PROM1: variants seen among roughly 807,000 people sequenced by gnomAD.
PROM1 encodes the protein prominin 1.
PROM1 carries 105 observed loss-of-function variants against 116.9 expected under a neutral mutation model. That is an observed-to-expected ratio of 0.90 (90% CI 0.77 to 1.06). The LOEUF (loss-of-function observed/expected upper bound fraction) is 1.06. PROM1 is among the 50% of genes least tolerant of loss of function. The probability of loss-of-function intolerance (pLI) is 0.00; values close to 1 mark genes in which losing one functional copy is unlikely to be tolerated. For missense variants in PROM1, 1,122 were observed against 1,045.2 expected, an observed-to-expected ratio of 1.07 and a Z score of -1.01; for synonymous variants, 393 against 387.0, an observed-to-expected ratio of 1.02 and a Z score of -0.18.
chr4:16,054,410 G>A (rs1466902538), intron 2 of PROM1, among the ~76,000 whole-genome samples: 3 of 152,118 alleles, frequency 2.0e-5, no homozygotes, highest in Non-Finnish European at 4.4e-5. Context: ...GATTTGTCCA[G>A]ACAGCCCTGG....
At chr4:16,021,504 C>T (rs946145221) in intron 8 of PROM1, among the ~76,000 whole-genome samples, 3 of 152,188 alleles carry the variant, frequency 2.0e-5, no homozygotes, top group South Asian at 2.1e-4. Context: ...CCTGGAATGA[C>T]TCCCAGAGTT....
chr4:15,995,983 A>ATATATAATAATATATATATATATATAAT, intron 15 of PROM1, among the ~76,000 whole-genome samples: 1 of 152,314 alleles, frequency 6.6e-6, no homozygotes, highest in East Asian at 1.9e-4. Context: ...TATAATAATA[A>ATATATAATAATATATATATATATATAAT]AAGCAGTTGT....
chr4:15,992,252 G>A lies in PROM1; in HGVS notation c.1907C>T (p.Ala636Val). 1 of 1,613,734 alleles carries A rather than the reference G, an allele frequency of 6.2e-7. No homozygotes were observed. The highest frequency in any genetic ancestry group is 2.2e-5 in the East Asian group (1 of 44,864). ...IDRMNYDSYLAQTGKSPAGVN... is the reference protein window; with the variant it reads ...IDRMNYDSYLVQTGKSPAGVN... Reference sequence around the variant, plus strand: ...GCATGAACACATGCGCCATACCTGAGCCAAGTAGCTGTCATAATTCATTCT... The same window carrying A: ...GCATGAACACATGCGCCATACCTGAACCAAGTAGCTGTCATAATTCATTCT... The change falls in exon 17 of 28, where the codon GCT becomes GTT. Residue 636 changes from alanine to valine, a missense_variant. Ala to Val is a moderately conservative substitution (Grantham distance 64, BLOSUM62 0). Transcript: ENST00000447510.
intron 8 of PROM1, among the ~76,000 whole-genome samples, chr4:16,020,524 C>T (rs1185091519): frequency 1.3e-5 from 2 of 152,100 alleles, no homozygotes; most frequent in African/African-American, 4.8e-5. Flanking sequence ...CAGAAATACA[C>T]AGAAATACTC....
intron 2 of PROM1, among the ~76,000 whole-genome samples, chr4:16,062,421 T>C (rs768581357): frequency 6.6e-6 from 1 of 152,150 alleles, no homozygotes; most frequent in African/African-American, 2.4e-5. Context: ...CAATTGTTAA[T>C]GAATAATAAA....
intron 2 of PROM1, among the ~76,000 whole-genome samples, chr4:16,041,347 T>G (rs1383965026): frequency 2.6e-5 from 4 of 151,572 alleles, no homozygotes; most frequent in African/African-American, 9.7e-5. Flanking sequence ...TATTATCCTG[T>G]GTAAAAAAAA....
intron 2 of PROM1, among the ~76,000 whole-genome samples, chr4:16,050,501 G>A (rs377316951): frequency 6.6e-6 from 1 of 152,230 alleles, no homozygotes. Context: ...CTACCGTCAT[G>A]TGCCACCACA....
At chr4:16,012,289 G>A (rs916039236) in intron 11 of PROM1, among the ~76,000 whole-genome samples, 3 of 152,248 alleles carry the variant, frequency 2.0e-5, no homozygotes, top group Admixed American at 6.5e-5. Flanking sequence ...GAGCCACTGC[G>A]CCCAGCCCAG....
At chr4:16,060,310 CT>C (rs5856330) in intron 2 of PROM1, among the ~76,000 whole-genome samples, 18 of 146,738 alleles carry the variant, frequency 1.2e-4, no homozygotes, top group African/African-American at 3.5e-4. Flanking sequence ...CAAATAATTC[CT>C]TTTTTTTTTT....
chr4:16,078,067 A>G (rs1188602755), intron 1 of PROM1: 1 of 152,186 alleles, frequency 6.6e-6, no homozygotes, highest in African/African-American at 2.4e-5. Context: ...GGTCTCAGAG[A>G]TGAAAGCCAG....
chr4:16,026,131 A>T (rs757659149), intron 5 of PROM1, among the ~76,000 whole-genome samples: 2 of 152,228 alleles, frequency 1.3e-5, no homozygotes, highest in African/African-American at 4.8e-5. Flanking sequence ...CAAAAACGCC[A>T]TATGAAAGGC....
At position 16,075,891 on chromosome 4, in the gene PROM1, C is replaced by T. The variant is rs1052074903; in HGVS notation, c.16G>A (p.Gly6Ser). The stretch of plus-strand genomic sequence containing the variant: ...CACAGCCCCAGCAGCAACAGGGAGC[C>T]GAGTACGAGGGCCATAGCTAGCAAG... MALVLGSLLLLGLCGN... is the reference protein window; with the variant it reads MALVLSSLLLLGLCGN... Residue 6 changes from glycine to serine, a missense_variant, in exon 2 of 28, where the codon GGC becomes AGC. By Grantham distance (56) the Gly-to-Ser change is moderately conservative. Coordinates refer to ENST00000447510, the MANE Select transcript of PROM1 (RefSeq NM_006017.3). The T allele has an allele frequency of 1.2e-6, 2 of 1,611,742 alleles. No individual in the cohort carries two copies. Among genetic ancestry groups the T allele is most frequent in the Middle Eastern group, 1.7e-4 (1 of 6,046 alleles).
chr4:16,033,454 A>T lies in PROM1; in HGVS notation c.359T>A (p.Ile120Asn). Residue 120 changes from isoleucine (I) to asparagine (N), a missense_variant, in exon 5 of 28, where the codon ATT (isoleucine) becomes AAT (asparagine). Ile to Asn is a moderately radical substitution (Grantham distance 149). Coordinates refer to ENST00000447510, the MANE Select transcript of PROM1 (RefSeq NM_006017.3). ...ATACCCCACCAGAGGCATCAGAATA[A>T]TAAACAGCAGCCCCAGGACACAGCA... ...ILCCVLGLLF[I>N]ILMPLVGYFF... is the part of the protein sequence containing the mutation. 1 of 1,613,446 alleles carries T rather than the reference A, an allele frequency of 6.2e-7. No individual in the cohort carries two copies. Among genetic ancestry groups the T allele is most frequent in the Non-Finnish European group, 8.5e-7 (1 of 1,179,610 alleles).
At chr4:16,003,516 T>C (rs780282924) in intron 13 of PROM1, among the ~76,000 whole-genome samples, 33 of 152,184 alleles carry the variant, frequency 2.2e-4, no homozygotes, top group Non-Finnish European at 3.8e-4. Context: ...TTGTTGTCAA[T>C]ACCTAAAATG....
intron 3 of PROM1, among the ~76,000 whole-genome samples, chr4:16,038,617 G>C (rs1486683824): frequency 2.0e-5 from 3 of 151,728 alleles, no homozygotes; most frequent in Non-Finnish European, 4.4e-5. Flanking sequence ...TGGCCAGGCT[G>C]GTCTCAGACT....
chr4:16,030,970 C>T (rs1368492634), intron 5 of PROM1, among the ~76,000 whole-genome samples: 3 of 152,084 alleles, frequency 2.0e-5, no homozygotes, highest in Admixed American at 1.3e-4. Context: ...GACTTGAACC[C>T]GGGAGGCGGA....
chr4:16,009,965 G>C (rs966525167), intron 11 of PROM1, among the ~76,000 whole-genome samples: 35 of 147,096 alleles, frequency 2.4e-4, no homozygotes, highest in Non-Finnish European at 4.6e-4. Context: ...AAAGTCTTCA[G>C]GAACAGAGTA....
intron 2 of PROM1, among the ~76,000 whole-genome samples, chr4:16,057,927 C>T (rs1045253563): frequency 2.0e-5 from 3 of 152,096 alleles, no homozygotes; most frequent in African/African-American, 7.2e-5. Flanking sequence ...AAGGAACATA[C>T]GAAGCAAAAG....
At chr4:15,974,528 C>A (rs1715583879) in intron 26 of PROM1, among the ~76,000 whole-genome samples, 1 of 152,228 alleles carries the variant, frequency 6.6e-6, no homozygotes, top group Non-Finnish European at 1.5e-5. Context: ...AGAGAATTCT[C>A]CTGGGAAACG....
Sources: gnomAD v4.1 joint callset for allele counts (sites outside exome capture counted in the v4.1 genomes callset) on GRCh38, gnomAD v4.1.1 for gene constraint, MANE v1.5 for transcripts, NCBI Gene and HGNC (gene_info 2026-07-23, HGNC 2026-07-21) for gene names.